GNG7: variants seen among roughly 807,000 people sequenced by gnomAD.
GNG7 encodes the protein guanine nucleotide-binding protein G(I)/G(S)/G(O) subunit gamma-7.
GNG7 carries 1 observed loss-of-function variant against 4.0 expected under a neutral mutation model. The observed-to-expected ratio is 0.25, with a 90% CI of 0.09 to 1.18. The LOEUF (loss-of-function observed/expected upper bound fraction) is 1.18, where lower values mean the gene tolerates loss of function less well. Ranked by LOEUF, GNG7 falls within the 50% of genes most tolerant of loss-of-function variation. GNG7 has a pLI of 0.50. For synonymous variants in GNG7, 34 were observed against 36.9 expected (o/e 0.92, Z 0.29); for missense variants, 86 against 91.9 (o/e 0.94, Z 0.26).
intron 1 of GNG7, among the ~76,000 whole-genome samples, chr19:2,672,837 G>A (rs927692497): frequency 1.3e-5 from 2 of 152,192 alleles, no homozygotes; most frequent in South Asian, 2.1e-4. Flanking sequence ...AACACCACCA[G>A]TGTGGACGTC....
At chr19:2,536,184 G>A (rs942929184) in intron 3 of GNG7, among the ~76,000 whole-genome samples, 1 of 151,816 alleles carries the variant, frequency 6.6e-6, no homozygotes, top group Non-Finnish European at 1.5e-5. Flanking sequence ...TTGGGAGGCC[G>A]AGGTGGGCGG....
At chr19:2,561,207 G>A (rs1478068610) in intron 2 of GNG7, among the ~76,000 whole-genome samples, 1 of 151,938 alleles carries the variant, frequency 6.6e-6, no homozygotes, top group Admixed American at 6.6e-5. Context: ...CCATAACCCA[G>A]GGGGGCTCAA....
intron 1 of GNG7, among the ~76,000 whole-genome samples, chr19:2,686,437 C>T (rs887062595): frequency 6.6e-5 from 10 of 152,090 alleles, no homozygotes; most frequent in Admixed American, 2.6e-4. Context: ...GGATTATAGG[C>T]GTGAGCCACC....
chr19:2,699,748 G>A lies in GNG7; in HGVS notation c.-135+2898C>T, dbSNP rs530517799. Among the ~76,000 whole-genome samples the A allele has an allele frequency of 1.6e-3, 237 of 152,282 alleles. 1 individual carries two copies. The highest frequency in any genetic ancestry group is 5.1e-3 in the African/African-American group (214 of 41,562). ...GGGTGGAGGTCAGGGATGCTGCTCG[G>A]CACCCTGCAGTGCCCAGAAGGCCCC... is the stretch of plus-strand genomic sequence containing the variant. On this transcript the variant is annotated intron_variant, in intron 1 of 4. Coordinates refer to ENST00000382159, the MANE Select transcript of GNG7 (RefSeq NM_052847.3).
At chr19:2,526,995 G>A (rs1431461733) in intron 3 of GNG7, among the ~76,000 whole-genome samples, 2 of 151,844 alleles carry the variant, frequency 1.3e-5, no homozygotes, top group African/African-American at 2.4e-5. Flanking sequence ...ACAGGCGCGC[G>A]CCACCACACC....
intron 1 of GNG7, among the ~76,000 whole-genome samples, chr19:2,661,029 T>G (rs1298439289): frequency 6.6e-6 from 1 of 151,070 alleles, no homozygotes; most frequent in Non-Finnish European, 1.5e-5. Flanking sequence ...CTGACCAACA[T>G]GGAGAAACCC....
In GNG7 at chr19:2,626,895, C is replaced by T. The variant is rs1022787336; in HGVS notation, c.-78+19329G>A. 6.6e-6 allele frequency among the ~76,000 whole-genome samples: 1 copy of T among 151,646 alleles called. No individual in the cohort carries two copies. Among genetic ancestry groups the T allele is most frequent in the Admixed American group, 6.6e-5 (1 of 15,212 alleles). On this transcript the variant is annotated intron_variant, in intron 2 of 4. Transcript: ENST00000382159. This position sits in a 1 kb window ranked among gnomAD's most constrained non-coding sequence, Gnocchi z 5.0. ...GGACGGCCTCACCCCAGAGAACAGT[C>T]CAGTGTCAGTGTCCACAGTGCCCAG...
intron 3 of GNG7, among the ~76,000 whole-genome samples, chr19:2,543,666 G>A (rs1181944000): frequency 6.6e-6 from 1 of 152,300 alleles, no homozygotes; most frequent in South Asian, 2.1e-4. Context: ...GCGGGCGTTT[G>A]CTCTCCTGAC....
intron 1 of GNG7, among the ~76,000 whole-genome samples, chr19:2,684,176 G>T (rs189985694): frequency 7.1e-6 from 1 of 141,122 alleles, no homozygotes; most frequent in Non-Finnish European, 1.5e-5. Flanking sequence ...TCACTCTGTC[G>T]CCCAGGCTGG....
At chr19:2,579,121 C>T (rs1009920241) in intron 2 of GNG7, among the ~76,000 whole-genome samples, 2 of 152,270 alleles carry the variant, frequency 1.3e-5, no homozygotes, top group East Asian at 3.8e-4. Context: ...CAGAGGGTCC[C>T]GTGATTTGGG....
At chr19:2,519,445 C>T (rs61674356) in intron 4 of GNG7, among the ~76,000 whole-genome samples, 42,450 of 151,586 alleles carry the variant, frequency 0.28, 6,209 homozygotes, top group East Asian at 0.44. Flanking sequence ...TGTGAGTCAC[C>T]GCGCTCAGCC....
chr19:2,594,686 G>A (rs1980961993), intron 2 of GNG7, among the ~76,000 whole-genome samples: 1 of 152,046 alleles, frequency 6.6e-6, no homozygotes, highest in African/African-American at 2.4e-5. Context: ...TCTAATCACT[G>A]AAGCTTTCTG....
intron 1 of GNG7, among the ~76,000 whole-genome samples, chr19:2,673,332 G>C (rs1373044579): frequency 6.6e-6 from 1 of 151,262 alleles, no homozygotes; most frequent in Non-Finnish European, 1.5e-5. Flanking sequence ...AGTCTGAGAA[G>C]TGTCCCAGCA....
chr19:2,649,135 C>T (rs907390750), intron 1 of GNG7, among the ~76,000 whole-genome samples: 1 of 151,626 alleles, frequency 6.6e-6, no homozygotes, highest in African/African-American at 2.4e-5. Context: ...AGGGTCTTTG[C>T]TATGTTATCC....
chr19:2,701,345 C>A (rs1052661687), intron 1 of GNG7: 1 of 151,844 alleles, frequency 6.6e-6, no homozygotes, highest in Non-Finnish European at 1.5e-5. Context: ...TAGCAAAACA[C>A]CTGCCCCCAG....
intron 3 of GNG7, among the ~76,000 whole-genome samples, chr19:2,530,644 C>T (rs1035428576): frequency 4.0e-5 from 6 of 151,804 alleles, no homozygotes; most frequent in African/African-American, 7.3e-5. Flanking sequence ...CACTTAAACC[C>T]GGGAGGCAGA....
intron 2 of GNG7, among the ~76,000 whole-genome samples, chr19:2,572,868 A>G (rs1980191104): frequency 6.6e-6 from 1 of 151,634 alleles, no homozygotes; most frequent in Non-Finnish European, 1.5e-5. Flanking sequence ...GGTTGCTGAG[A>G]TTACAGGTGT....
chr19:2,595,660 G>A lies in GNG7; in HGVS notation c.-77-40472C>T, dbSNP rs183969105. Among the ~76,000 whole-genome samples, 548 of 151,110 alleles carry A rather than the reference G, an allele frequency of 3.6e-3. 4 individuals are homozygous for A. Among genetic ancestry groups the A allele is most frequent in the African/African-American group, 0.012 (506 of 41,224 alleles). On this transcript the variant is annotated intron_variant, in intron 2 of 4. Transcript: ENST00000382159. ...TGAGGCAGGAGAATGGCGTGAACCCGGGAGGCGGAGCTTGCAGCGAGCCAA... is the reference window on the plus strand; with the variant it reads ...TGAGGCAGGAGAATGGCGTGAACCCAGGAGGCGGAGCTTGCAGCGAGCCAA...
intron 3 of GNG7, among the ~76,000 whole-genome samples, chr19:2,535,729 C>T (rs1454731181): frequency 6.6e-6 from 1 of 152,064 alleles, no homozygotes; most frequent in Non-Finnish European, 1.5e-5. Flanking sequence ...ACCAGGTGAC[C>T]TTGACTCGGA....
Sources: gnomAD v4.1 joint callset for allele counts (sites outside exome capture counted in the v4.1 genomes callset) on GRCh38, gnomAD v4.1.1 for gene constraint, Gnocchi (gnomAD v3.1) non-coding constraint, MANE v1.5 for transcripts, NCBI Gene and HGNC (gene_info 2026-07-23, HGNC 2026-07-21) for gene names.